Variants in ZFPM1 observed in about 807,000 individuals in gnomAD.
The protein encoded by ZFPM1 is zinc finger protein ZFPM1.
Under a neutral mutation model 46.3 loss-of-function variants are expected in ZFPM1, and 28 were observed. The observed-to-expected ratio is 0.60, with a 90% CI of 0.45 to 0.83. ZFPM1 has a LOEUF of 0.83. Ranked by LOEUF, ZFPM1 falls within the 40% of genes least tolerant of loss-of-function variation. The pLI is 0.00. For synonymous variants in ZFPM1, 957 were observed against 675.9 expected (o/e 1.42, Z -6.45); for missense variants, 1,878 against 1,432.4 (o/e 1.31, Z -5.02).
In ZFPM1 at chr16:88,533,320, G is replaced by GC; in HGVS notation, c.1367dup (p.Ala457GlyfsTer215). 6.5e-7 allele frequency: 1 copy of GC among 1,531,776 alleles called. No homozygotes were observed. 94.9% of individuals were successfully genotyped at this position (1,531,776 alleles called of 1,614,324 possible). A position where few individuals can be genotyped will look rare whatever the true frequency, so the allele number is the denominator to read the frequency against. On this transcript the variant is annotated frameshift_variant, in exon 10 of 10. Transcript: ENST00000319555. LOFTEE classifies it low-confidence loss of function (END_TRUNC). The stretch of plus-strand genomic sequence containing the variant: ...TGGCCCAGAATGGAGGCAGCAGCGA[G>GC]CCCCCGGCGGCCCCCAGGAGCATCA...
chr16:88,521,028 G>A, intron 4 of ZFPM1, among the ~76,000 whole-genome samples: 1 of 119,226 alleles, frequency 8.4e-6, no homozygotes, highest in Admixed American at 8.7e-5. Context: ...ATGTAGGTGG[G>A]TAGATGATGG....
intron 8 of ZFPM1, 29 bp from the exon 9 acceptor site, chr16:88,532,753 CGCCCTGG>C: frequency 6.2e-7 from 1 of 1,612,762 alleles, no homozygotes; most frequent in South Asian, 1.1e-5. Flanking sequence ...CCCGCCTCCC[CGCCCTGG>C]GCCTTGACCA....
chr16:88,489,389 G>T, intron 3 of ZFPM1: 2 of 536,392 alleles, frequency 3.7e-6, no homozygotes, highest in Admixed American at 7.6e-5. Flanking sequence ...GCGCTGGGGG[G>T]TTCCCTGGAT....
chr16:88,532,552 C>T (rs906257033), intron 7 of ZFPM1, 62 bp from the exon 8 acceptor site: 1 of 1,510,396 alleles, frequency 6.6e-7, no homozygotes, highest in African/African-American at 1.4e-5. Flanking sequence ...TCGCCTTCCT[C>T]ATCCCTGGAG....
At chr16:88,499,347 G>A (rs1286352960) in intron 3 of ZFPM1, among the ~76,000 whole-genome samples, 1 of 152,262 alleles carries the variant, frequency 6.6e-6, no homozygotes, top group Non-Finnish European at 1.5e-5. Flanking sequence ...ACAGGGGGAT[G>A]CAGCGTGAGG....
At chr16:88,452,620 A>G (rs1907324576), upstream of ZFPM1, among the ~76,000 whole-genome samples, 2 of 152,246 alleles carry the variant, frequency 1.3e-5, no homozygotes, top group South Asian at 2.1e-4. Flanking sequence ...AGTCTGGCCC[A>G]AGAGAAACGT....
intron 1 of ZFPM1, among the ~76,000 whole-genome samples, chr16:88,472,823 C>G (rs1908487572): frequency 6.6e-6 from 1 of 152,280 alleles, no homozygotes; most frequent in South Asian, 2.1e-4. Context: ...GGCTCCCACC[C>G]TTGCCCCAGC....
chr16:88,532,832 C>T lies in ZFPM1; in HGVS notation c.1086C>T (p.Ile362=), dbSNP rs116959818. ...SCGFISTTRD[I]LYSHLVTNHM... Reference sequence around the variant, plus strand: ...GCTTCATCTCCACCACAAGGGACATCCTCTACAGCCACTTGGTCACCAACC... The same window carrying T: ...GCTTCATCTCCACCACAAGGGACATTCTCTACAGCCACTTGGTCACCAACC... Residue 362 remains isoleucine (I), a synonymous_variant, in exon 9 of 10, where the codon ATC becomes ATT. Coordinates refer to ENST00000319555, the MANE Select transcript of ZFPM1 (RefSeq NM_153813.3). 1.7e-3 allele frequency: 2,802 copies of T among 1,613,432 alleles called. 6 individuals carry two copies. The highest frequency in any genetic ancestry group is 2.2e-3 in the Non-Finnish European group (2,606 of 1,179,980).
chr16:88,516,201 C>T lies in ZFPM1; in HGVS notation c.402+1681C>T, dbSNP rs184011505. 1,296 of 398,684 alleles carry T rather than the reference C, an allele frequency of 3.3e-3. 8 individuals are homozygous for T. Among genetic ancestry groups the T allele is most frequent in the Admixed American group, 7.3e-3 (167 of 22,740 alleles). The allele number at this position is 398,684 out of a possible 1,614,324, so 24.7% of individuals were successfully genotyped here. On this transcript the variant is annotated intron_variant, in intron 4 of 9. Transcript: ENST00000319555. ...AGGGAGAAATAGAACCCACATCTGCCTATCCCCGGAGACCCTCGCAAGCTC... is the reference window on the plus strand; with the variant it reads ...AGGGAGAAATAGAACCCACATCTGCTTATCCCCGGAGACCCTCGCAAGCTC...
intron 3 of ZFPM1, among the ~76,000 whole-genome samples, chr16:88,510,376 C>A (rs566042934): frequency 2.2e-4 from 34 of 152,242 alleles, no homozygotes; most frequent in Non-Finnish European, 8.8e-5. Flanking sequence ...CCAAGCTCTG[C>A]CTGGTCCTCG....
chr16:88,506,865 C>T (rs1204460346), intron 3 of ZFPM1, among the ~76,000 whole-genome samples: 1 of 152,198 alleles, frequency 6.6e-6, no homozygotes, highest in Non-Finnish European at 1.5e-5. Flanking sequence ...AGCTCTGGTG[C>T]ATCCATGGCT....
intron 7 of ZFPM1, 99 bp from the exon 8 acceptor site, chr16:88,532,515 C>T: frequency 6.2e-6 from 8 of 1,281,148 alleles, no homozygotes; most frequent in South Asian, 2.8e-5. Context: ...CAGGGTCCCC[C>T]GGCACAGATC....
intron 1 of ZFPM1, among the ~76,000 whole-genome samples, chr16:88,479,189 G>A (rs978994021): frequency 1.8e-4 from 28 of 152,326 alleles, no homozygotes; most frequent in African/African-American, 6.7e-4. Flanking sequence ...CCAACCGCGG[G>A]GCCGGGCTCC....
chr16:88,495,310 A>G (rs1240628929), intron 3 of ZFPM1, among the ~76,000 whole-genome samples: 2 of 152,172 alleles, frequency 1.3e-5, no homozygotes, highest in African/African-American at 4.8e-5. Context: ...TGGGGGCTGG[A>G]CCCTGGAGTG....
At chr16:88,505,176 G>C (rs944367739) in intron 3 of ZFPM1, among the ~76,000 whole-genome samples, 1 of 152,212 alleles carries the variant, frequency 6.6e-6, no homozygotes, top group Non-Finnish European at 1.5e-5. Context: ...TCCCTCGCCC[G>C]GTGGCTGACG....
At chr16:88,491,906 G>C (rs373326975) in intron 3 of ZFPM1, among the ~76,000 whole-genome samples, 1 of 152,180 alleles carries the variant, frequency 6.6e-6, no homozygotes, top group Non-Finnish European at 1.5e-5. Flanking sequence ...TATCTCTCGG[G>C]GCGGCCCGTG....
chr16:88,461,984 C>G (rs1907914485), intron 1 of ZFPM1, among the ~76,000 whole-genome samples: 1 of 152,234 alleles, frequency 6.6e-6, no homozygotes, highest in African/African-American at 2.4e-5. Flanking sequence ...ACTCAGCACC[C>G]CCAGGCCACC....
intron 6 of ZFPM1, among the ~76,000 whole-genome samples, chr16:88,531,359 A>G (rs4782356): frequency 0.25 from 37,881 of 152,092 alleles, 4,987 homozygotes; most frequent in South Asian, 0.42. Context: ...AAAACTCTCA[A>G]CAGTTATAAG....
intron 1 of ZFPM1, among the ~76,000 whole-genome samples, chr16:88,462,871 G>C (rs925669522): frequency 3.9e-5 from 6 of 152,186 alleles, no homozygotes; most frequent in African/African-American, 1.2e-4. Context: ...TCACCTCACG[G>C]GGCTGTGAGG....
Sources: gnomAD v4.1 joint callset for allele counts (sites outside exome capture counted in the v4.1 genomes callset) on GRCh38, gnomAD v4.1.1 for gene constraint, MANE v1.5 for transcripts, NCBI Gene and HGNC (gene_info 2026-07-23, HGNC 2026-07-21) for gene names.